Variants in PRKCZ observed in about 807,000 individuals in gnomAD.
PRKCZ encodes protein kinase C zeta type.
In PRKCZ, 33 loss-of-function variants were observed where a neutral mutation model predicts 79.5. The ratio of observed to expected loss-of-function variants is 0.41; its 90% CI spans 0.31 to 0.55. The LOEUF (loss-of-function observed/expected upper bound fraction) is 0.55, where lower values mean the gene tolerates loss of function less well. Ranked by LOEUF, PRKCZ falls within the 20% of genes least tolerant of loss-of-function variation. The pLI, the probability that PRKCZ is intolerant of heterozygous loss-of-function variation, is 0.19. For missense variants in PRKCZ, 578 were observed against 813.5 expected, an observed-to-expected ratio of 0.71 and a Z score of 3.52; for synonymous variants, 342 against 320.9, an observed-to-expected ratio of 1.07 and a Z score of -0.70.
rs988499559 is a variant in PRKCZ at position 2,082,158 on chromosome 1, C to T, written c.334+22567C>T. On this transcript the variant is annotated intron_variant, in intron 4 of 17. Transcript: ENST00000378567. This position sits in a 1 kb window ranked among gnomAD's most constrained non-coding sequence, Gnocchi z 4.4. ...GGCGGACGTGGTCAGGGGTGCTGGA[C>T]GCGTCAGACGGGTTCTTTGCAGCCC... 3.2e-5 allele frequency: 11 copies of T among 340,092 alleles called. No homozygotes were observed. The highest frequency in any genetic ancestry group is 8.8e-5 in the Admixed American group (2 of 22,768). 21.1% of individuals were successfully genotyped at this position (340,092 alleles called of 1,614,324 possible).
chr1:2,163,668 A>G (rs1682758201), intron 10 of PRKCZ, among the ~76,000 whole-genome samples: 1 of 152,088 alleles, frequency 6.6e-6, no homozygotes, highest in South Asian at 2.1e-4. Flanking sequence ...AGGCGGGTAG[A>G]TCACGAGGTC....
chr1:2,067,536 CAGT>C (rs1222712517), intron 4 of PRKCZ, among the ~76,000 whole-genome samples: 1 of 152,108 alleles, frequency 6.6e-6, no homozygotes, highest in African/African-American at 2.4e-5. Context: ...GTGGCGGCCT[CAGT>C]GGTGTTGGGG....
chr1:2,118,752 T>TGTGTGTGA (rs752943914), intron 4 of PRKCZ, among the ~76,000 whole-genome samples: 6 of 142,350 alleles, frequency 4.2e-5, no homozygotes, highest in Non-Finnish European at 7.5e-5. Context: ...TGTGTGTGTG[T>TGTGTGTGA]GTGAGATGAG....
upstream of PRKCZ, among the ~76,000 whole-genome samples, chr1:2,048,969 C>T (rs745677347): frequency 4.8e-4 from 73 of 152,128 alleles, no homozygotes; most frequent in Non-Finnish European, 1.6e-4. Flanking sequence ...AGTTCGAGAC[C>T]AGCCTGGCCA....
intron 9 of PRKCZ, among the ~76,000 whole-genome samples, chr1:2,152,088 C>T (rs564458733): frequency 3.7e-4 from 56 of 152,252 alleles, no homozygotes; most frequent in African/African-American, 1.3e-3. Flanking sequence ...TGCGCTCATG[C>T]ACTCTGCCCG....
chr1:2,107,418 G>A lies in PRKCZ; in HGVS notation c.335-27844G>A, dbSNP rs182656555. On this transcript the variant is annotated intron_variant, in intron 4 of 17. Coordinates refer to ENST00000378567, the MANE Select transcript of PRKCZ (RefSeq NM_002744.6). ...TCCTTCCACGGCCGCACACACTCCC[G>A]TGCCCGTTGGGCTGGGCTGACTGAT... Among the ~76,000 whole-genome samples, 22 of 152,314 alleles carry A rather than the reference G, an allele frequency of 1.4e-4. No homozygotes were observed. In the East Asian group the frequency reaches 4.0e-3, roughly 28 times the overall value.
At chr1:2,085,018 A>G (rs1390806458) in intron 4 of PRKCZ, among the ~76,000 whole-genome samples, 5 of 151,714 alleles carry the variant, frequency 3.3e-5, no homozygotes, top group Non-Finnish European at 5.9e-5. Context: ...AAAAAAGAAA[A>G]AAAAAAAAGA....
intron 4 of PRKCZ, among the ~76,000 whole-genome samples, chr1:2,131,189 G>A (rs1307411730): frequency 6.6e-6 from 1 of 152,202 alleles, no homozygotes; most frequent in African/African-American, 2.4e-5. Context: ...TGACTGCCGG[G>A]TGCCACATGT....
intron 9 of PRKCZ, among the ~76,000 whole-genome samples, chr1:2,152,515 A>G (rs1424388115): frequency 6.6e-6 from 1 of 152,242 alleles, no homozygotes; most frequent in African/African-American, 2.4e-5. Flanking sequence ...CTGGGCGACC[A>G]AATGAGACTC....
chr1:2,161,521 G>C (rs1682304941), intron 10 of PRKCZ, among the ~76,000 whole-genome samples: 1 of 152,260 alleles, frequency 6.6e-6, no homozygotes, highest in Admixed American at 6.5e-5. Flanking sequence ...GCAGTGTACA[G>C]GGGGCCCTGC....
intron 4 of PRKCZ, among the ~76,000 whole-genome samples, chr1:2,062,110 C>G (rs889933871): frequency 1.3e-5 from 2 of 152,192 alleles, no homozygotes; most frequent in African/African-American, 4.8e-5. Context: ...AGAGGACCTT[C>G]TGGCACATTC....
At chr1:2,109,961 G>A (rs1199303288) in intron 4 of PRKCZ, among the ~76,000 whole-genome samples, 1 of 152,224 alleles carries the variant, frequency 6.6e-6, no homozygotes, top group Non-Finnish European at 1.5e-5. Flanking sequence ...ACGTCTCCAG[G>A]GATGTCCAGT....
At chr1:2,109,005 C>T (rs1386854703) in intron 4 of PRKCZ, among the ~76,000 whole-genome samples, 1 of 152,194 alleles carries the variant, frequency 6.6e-6, no homozygotes, top group Non-Finnish European at 1.5e-5. Flanking sequence ...GCCTCTGCCT[C>T]CGTCTCACGT....
chr1:2,054,761 G>A (rs893015776), intron 1 of PRKCZ, among the ~76,000 whole-genome samples: 1 of 152,044 alleles, frequency 6.6e-6, no homozygotes, highest in Non-Finnish European at 1.5e-5. Flanking sequence ...GGCCTGCACC[G>A]ACCCGGCTCG....
intron 8 of PRKCZ, among the ~76,000 whole-genome samples, chr1:2,150,563 C>T (rs1679683481): frequency 6.6e-6 from 1 of 152,244 alleles, no homozygotes; most frequent in Non-Finnish European, 1.5e-5. Flanking sequence ...TTCTAGCTTT[C>T]TAGCACCTTC....
intron 4 of PRKCZ, among the ~76,000 whole-genome samples, chr1:2,129,646 G>C (rs1344871759): frequency 6.6e-6 from 1 of 152,140 alleles, no homozygotes; most frequent in Non-Finnish European, 1.5e-5. Context: ...CCAGGCAGGG[G>C]GGGTCTCTGG....
At chr1:2,166,250 C>T (rs912063339) in intron 10 of PRKCZ, among the ~76,000 whole-genome samples, 2 of 152,158 alleles carry the variant, frequency 1.3e-5, no homozygotes, top group African/African-American at 4.8e-5. Flanking sequence ...GAGACCCTTT[C>T]TCTACAAAAA....
chr1:2,160,238 CGTGTGTGTGTGT>C (rs56068331), intron 10 of PRKCZ, among the ~76,000 whole-genome samples: 4 of 146,374 alleles, frequency 2.7e-5, no homozygotes, highest in Non-Finnish European at 6.0e-5. Context: ...CAGCAGTGTG[CGTGTGTGTGTGT>C]GTGTGTGTGT....
intron 4 of PRKCZ, among the ~76,000 whole-genome samples, chr1:2,106,447 G>A (rs1668442752): frequency 6.6e-6 from 1 of 150,830 alleles, no homozygotes; most frequent in African/African-American, 2.5e-5. Flanking sequence ...GCCAGGCCAG[G>A]CGACTCTCAG....
Sources: gnomAD v4.1 joint callset for allele counts (sites outside exome capture counted in the v4.1 genomes callset) on GRCh38, gnomAD v4.1.1 for gene constraint, Gnocchi (gnomAD v3.1) non-coding constraint, MANE v1.5 for transcripts, NCBI Gene and HGNC (gene_info 2026-07-23, HGNC 2026-07-21) for gene names.